The following LARP1B variants were observed in gnomAD, a reference collection of about 807,000 sequenced individuals.
The protein encoded by LARP1B is la-related protein 1B.
Under a neutral mutation model 114.2 loss-of-function variants are expected in LARP1B, and 76 were observed. That is an observed-to-expected ratio of 0.67 (90% CI 0.55 to 0.81). The LOEUF (loss-of-function observed/expected upper bound fraction) is 0.81. LARP1B is among the 30% of genes least tolerant of loss of function. LARP1B has a pLI of 0.00. For missense variants in LARP1B, 1,014 were observed against 1,075.8 expected, an observed-to-expected ratio of 0.94 and a Z score of 0.80; for synonymous variants, 345 against 348.0, an observed-to-expected ratio of 0.99 and a Z score of 0.10.
upstream of LARP1B, chr4:128,061,235 C>T (rs1052065692): frequency 6.6e-6 from 1 of 152,076 alleles, no homozygotes; most frequent in Non-Finnish European, 1.5e-5. Context: ...GGTGAGTAGC[C>T]ACGTCACGCT....
chr4:128,120,300 G>T (rs1033442902), intron 10 of LARP1B, among the ~76,000 whole-genome samples: 1 of 152,244 alleles, frequency 6.6e-6, no homozygotes, highest in East Asian at 1.9e-4. Context: ...AGCATGAACT[G>T]AAGGGTAAAA....
intron 17 of LARP1B, among the ~76,000 whole-genome samples, chr4:128,202,379 G>A (rs1342619992): frequency 2.0e-5 from 3 of 152,202 alleles, no homozygotes; most frequent in African/African-American, 7.2e-5. Context: ...ACTGCACTGA[G>A]CATAGTAATT....
chr4:128,114,260 A>G (rs763995079), intron 9 of LARP1B, among the ~76,000 whole-genome samples: 10 of 152,222 alleles, frequency 6.6e-5, no homozygotes, highest in Non-Finnish European at 1.5e-4. Context: ...AAGATTTTTC[A>G]GAGAACTTGA....
At chr4:128,060,924 A>G (rs1033017164), upstream of LARP1B, among the ~76,000 whole-genome samples, 1 of 152,074 alleles carries the variant, frequency 6.6e-6, no homozygotes, top group Non-Finnish European at 1.5e-5. Flanking sequence ...ACCCAGCTTT[A>G]GGGCCTAAGG....
intron 1 of LARP1B, among the ~76,000 whole-genome samples, chr4:128,066,168 T>C (rs1450913318): frequency 2.6e-3 from 355 of 139,056 alleles, no homozygotes; most frequent in African/African-American, 7.6e-3. Context: ...CTTTCTTCTT[T>C]TTTTTTTTTT....
intron 3 of LARP1B, among the ~76,000 whole-genome samples, chr4:128,075,457 G>A (rs377276935): frequency 6.6e-6 from 1 of 151,988 alleles, no homozygotes. Flanking sequence ...GTTATTCTTC[G>A]ATGCTGCCAG....
intron 9 of LARP1B, among the ~76,000 whole-genome samples, chr4:128,109,837 T>C (rs1428042041): frequency 6.6e-6 from 1 of 151,278 alleles, no homozygotes; most frequent in Non-Finnish European, 1.5e-5. Context: ...CCTCCCAAGG[T>C]ACAAAAAAAA....
At chr4:128,079,618 C>A (rs904610420) in intron 4 of LARP1B, among the ~76,000 whole-genome samples, 3 of 152,020 alleles carry the variant, frequency 2.0e-5, no homozygotes, top group African/African-American at 7.2e-5. Context: ...GGCTGGAGTT[C>A]AGTGGCATGC....
chr4:128,181,281 T>A (rs1425277430), intron 15 of LARP1B, among the ~76,000 whole-genome samples: 3 of 151,798 alleles, frequency 2.0e-5, no homozygotes, highest in Non-Finnish European at 4.4e-5. Flanking sequence ...GCTCCCAGGT[T>A]CAGGTGAGGA....
chr4:128,097,008 C>T (rs1778294822), intron 7 of LARP1B, among the ~76,000 whole-genome samples: 2 of 152,340 alleles, frequency 1.3e-5, no homozygotes, highest in African/African-American at 2.4e-5. Context: ...AATTGATTCT[C>T]CTGCCTCAGC....
chr4:128,164,545 C>T (rs1389491677), intron 12 of LARP1B, among the ~76,000 whole-genome samples: 3 of 151,936 alleles, frequency 2.0e-5, no homozygotes, highest in Admixed American at 2.0e-4. Context: ...GAAACATGAA[C>T]ATCAGTTTCA....
intron 11 of LARP1B, among the ~76,000 whole-genome samples, chr4:128,153,418 G>A (rs1733846168): frequency 1.3e-5 from 2 of 152,014 alleles, no homozygotes; most frequent in Non-Finnish European, 2.9e-5. Flanking sequence ...CCGGATTCAA[G>A]CGATTCTTCT....
chr4:128,074,928 T>G lies in LARP1B; in HGVS notation c.-18-6T>G. The G allele has an allele frequency of 1.9e-6, 3 of 1,592,984 alleles. No homozygotes were observed. The highest frequency in any genetic ancestry group is 1.3e-5 in the African/African-American group (1 of 74,514). On this transcript the variant is annotated splice_region_variant and splice_polypyrimidine_tract_variant and intron_variant, in intron 2 of 19. Coordinates refer to ENST00000326639, the MANE Select transcript of LARP1B (RefSeq NM_018078.4). Reference sequence around the variant, plus strand: ...TCAGACCTAACACTTATTTGTTACTTCTTAGGCTAGTGATTTCAGTGATAT... The same window carrying G: ...TCAGACCTAACACTTATTTGTTACTGCTTAGGCTAGTGATTTCAGTGATAT...
chr4:128,065,327 CT>C (rs1762295139), intron 1 of LARP1B, among the ~76,000 whole-genome samples: 1 of 113,264 alleles, frequency 8.8e-6, no homozygotes, highest in African/African-American at 3.2e-5. Context: ...CTCTCTCTCT[CT>C]CTCTTTCCTT....
chr4:128,164,881 G>A (rs934749849), intron 12 of LARP1B, among the ~76,000 whole-genome samples: 1 of 152,072 alleles, frequency 6.6e-6, no homozygotes, highest in Non-Finnish European at 1.5e-5. Flanking sequence ...TGTATTATAA[G>A]ATGTGGTGTA....
intron 9 of LARP1B, chr4:128,107,717 C>G: frequency 6.9e-7 from 1 of 1,451,558 alleles, no homozygotes; most frequent in Non-Finnish European, 9.0e-7. Context: ...ACGCTTTAAT[C>G]TTGTCTTGGA....
chr4:128,176,245 A>G (rs968309856), intron 12 of LARP1B, among the ~76,000 whole-genome samples: 2 of 139,814 alleles, frequency 1.4e-5, no homozygotes, highest in Non-Finnish European at 3.0e-5. Flanking sequence ...TTATATAAAT[A>G]TATACATTTA....
downstream of LARP1B, among the ~76,000 whole-genome samples, chr4:128,213,238 C>T (rs998046500): frequency 6.6e-6 from 1 of 151,936 alleles, no homozygotes; most frequent in African/African-American, 2.4e-5. Flanking sequence ...TTAATGTCAC[C>T]ATTTTAATCA....
intron 7 of LARP1B, among the ~76,000 whole-genome samples, chr4:128,221,593 T>C (rs1004615499): frequency 1.3e-5 from 2 of 152,218 alleles, no homozygotes; most frequent in African/African-American, 4.8e-5. Flanking sequence ...GTCTACAAAA[T>C]TGAGTACCTT....
Sources: gnomAD v4.1 joint callset for allele counts (sites outside exome capture counted in the v4.1 genomes callset) on GRCh38, gnomAD v4.1.1 for gene constraint, MANE v1.5 for transcripts, NCBI Gene and HGNC (gene_info 2026-07-23, HGNC 2026-07-21) for gene names.